The following KCNQ1 variants were observed in gnomAD, a reference collection of about 807,000 sequenced individuals.
KCNQ1 encodes the protein potassium voltage-gated channel subfamily Q member 1.
KCNQ1 carries 49 observed loss-of-function variants against 72.4 expected under a neutral mutation model. The ratio of observed to expected loss-of-function variants is 0.68; its 90% CI spans 0.54 to 0.86. The LOEUF (loss-of-function observed/expected upper bound fraction) is 0.86, where lower values mean the gene tolerates loss of function less well. KCNQ1 is among the 40% of genes least tolerant of loss of function. The probability of loss-of-function intolerance (pLI) is 0.00; values close to 1 mark genes in which losing one functional copy is unlikely to be tolerated. For synonymous variants in KCNQ1, 450 were observed against 412.6 expected (o/e 1.09, Z -1.10); for missense variants, 790 against 945.1 (o/e 0.84, Z 2.15).
In KCNQ1 at chr11:2,808,116, C is replaced by A. The variant is rs1847416063; in HGVS notation, c.1794+30079C>A. Among the ~76,000 whole-genome samples the A allele has an allele frequency of 6.6e-6, 1 of 152,208 alleles. No homozygotes were observed. The highest frequency in any genetic ancestry group is 6.5e-5 in the Admixed American group (1 of 15,288). ...CCTCTCATGGACACCACTGTGGGCA[C>A]CACTTGGGCACCCTGTGGGCTTATT... On this transcript the variant is annotated intron_variant, in intron 15 of 15. Coordinates refer to ENST00000155840, the MANE Select transcript of KCNQ1 (RefSeq NM_000218.3). The surrounding 1 kb of genome is among the most constrained non-coding windows in gnomAD (Gnocchi z 6.0).
In KCNQ1 at chr11:2,620,285, C is replaced by T. The variant is rs1266619392; in HGVS notation, c.1393+31431C>T. On this transcript the variant is annotated intron_variant, in intron 10 of 15. Transcript: ENST00000155840. The surrounding 1 kb of genome is among the most constrained non-coding windows in gnomAD (Gnocchi z 4.5). ...AGGCTGGAGGGCAATGGCATGATCT[C>T]GGCTCACTGCAGCCTCCGCCTACCG... The T allele has an allele frequency of 2.3e-5, 5 of 216,072 alleles. No individual in the cohort carries two copies. Among genetic ancestry groups the T allele is most frequent in the Non-Finnish European group, 2.6e-5 (3 of 113,312 alleles). 13.4% of individuals were successfully genotyped at this position (216,072 alleles called of 1,614,324 possible). A position where few individuals can be genotyped will look rare whatever the true frequency, so the allele number is the denominator to read the frequency against.
At chr11:2,628,701 A>T (rs1308366046) in intron 10 of KCNQ1, 2 of 398,406 alleles carry the variant, frequency 5.0e-6, no homozygotes. Flanking sequence ...CATCTAAAAA[A>T]TTGTCACAAA....
At position 2,593,502 on chromosome 11, in the gene KCNQ1, T is replaced by C. The variant is rs1240956626; in HGVS notation, c.1393+4648T>C. Among the ~76,000 whole-genome samples, 1 of 152,198 alleles carries C rather than the reference T, an allele frequency of 6.6e-6. No individual in the cohort carries two copies. The highest frequency in any genetic ancestry group is 2.4e-5 in the African/African-American group (1 of 41,460). On this transcript the variant is annotated intron_variant, in intron 10 of 15. Coordinates refer to ENST00000155840, the MANE Select transcript of KCNQ1 (RefSeq NM_000218.3). The surrounding 1 kb of genome is among the most constrained non-coding windows in gnomAD (Gnocchi z 6.9). The stretch of plus-strand genomic sequence containing the variant: ...CTGAAGGGCTTCTGGGGAGGCGTCT[T>C]CAAAGCTGTGCCTGTGTGTGTCACC...
chr11:2,630,698 A>T (rs1425185391), intron 10 of KCNQ1: 1 of 398,192 alleles, frequency 2.5e-6, no homozygotes, highest in African/African-American at 2.1e-5. Flanking sequence ...ATATGTTTTC[A>T]TGTTACTAAT....
rs1441153947 is a variant in KCNQ1 at position 2,676,179 on chromosome 11, T to C, written c.1514+14098T>C. ...TTTTCTACACTTTGCCTTTGACTTC[T>C]TCCATAGGTATGCCATACTTCTTTT... On this transcript the variant is annotated intron_variant, in intron 11 of 15. Coordinates refer to ENST00000155840, the MANE Select transcript of KCNQ1 (RefSeq NM_000218.3). This position sits in a 1 kb window ranked among gnomAD's most constrained non-coding sequence, Gnocchi z 4.2. The C allele has an allele frequency of 2.5e-6, 1 of 398,588 alleles. No individual in the cohort carries two copies. The highest frequency in any genetic ancestry group is 4.4e-6 in the Non-Finnish European group (1 of 226,080). 24.7% of individuals were successfully genotyped at this position (398,588 alleles called of 1,614,324 possible).
chr11:2,505,926 A>G (rs75635237), intron 1 of KCNQ1, among the ~76,000 whole-genome samples: 1 of 152,122 alleles, frequency 6.6e-6, no homozygotes, highest in African/African-American at 2.4e-5. Context: ...ATGTTTATCT[A>G]TTCTGCCACT....
At chr11:2,560,091 G>A (rs1589950506) in intron 2 of KCNQ1, among the ~76,000 whole-genome samples, 1 of 135,450 alleles carries the variant, frequency 7.4e-6, no homozygotes, top group Non-Finnish European at 1.6e-5. Context: ...GCCATGGGGG[G>A]CCGTGACATC....
chr11:2,688,497 T>C, intron 11 of KCNQ1: 1 of 398,722 alleles, frequency 2.5e-6, no homozygotes, highest in Non-Finnish European at 4.4e-6. Context: ...GTTGCCCTGC[T>C]CTGGGTGATG....
chr11:2,800,110 AG>A (rs1847228973), intron 15 of KCNQ1, among the ~76,000 whole-genome samples: 1 of 152,180 alleles, frequency 6.6e-6, no homozygotes, highest in Admixed American at 6.5e-5. Flanking sequence ...AGACGTCCAC[AG>A]TTCCCAGGGC....
In KCNQ1 at chr11:2,602,089, G is replaced by T. The variant is rs376073762; in HGVS notation, c.1393+13235G>T. Among the ~76,000 whole-genome samples, 2 of 152,096 alleles carry T rather than the reference G, an allele frequency of 1.3e-5. 1 individual carries two copies. Among genetic ancestry groups the T allele is most frequent in the South Asian group, 4.2e-4 (2 of 4,818 alleles). On this transcript the variant is annotated intron_variant, in intron 10 of 15. Transcript: ENST00000155840. The surrounding 1 kb of genome is among the most constrained non-coding windows in gnomAD (Gnocchi z 4.8). The stretch of plus-strand genomic sequence containing the variant: ...AAGAGAAAAAGGGTTACGTGGCCAC[G>T]GAAGCAGGGGCAGGAAATGGCAATG...
At position 2,849,020 on chromosome 11, in the gene KCNQ1, G is replaced by A. The variant is rs1356573092; in HGVS notation, c.*1017G>A. 2.2e-6 allele frequency: 1 copy of A among 454,026 alleles called. No homozygotes were observed. The highest frequency in any genetic ancestry group is 2.0e-5 in the African/African-American group (1 of 50,020). 28.1% of individuals were successfully genotyped at this position (454,026 alleles called of 1,614,324 possible). On this transcript the variant is annotated 3_prime_UTR_variant, in exon 16 of 16. Transcript: ENST00000155840. ...TGGGCTGGGCACTGCTCTCACCTTG[G>A]TTCCTGGGGCATCCATGGGGTCTCT...
rs1051739597 is a variant in KCNQ1 at position 2,494,836 on chromosome 11, G to A, written c.387-33092G>A. Among the ~76,000 whole-genome samples the A allele has an allele frequency of 2.6e-5, 4 of 152,130 alleles. No individual in the cohort carries two copies. Among genetic ancestry groups the A allele is most frequent in the Non-Finnish European group, 5.9e-5 (4 of 68,026 alleles). On this transcript the variant is annotated intron_variant, in intron 1 of 15. Coordinates refer to ENST00000155840, the MANE Select transcript of KCNQ1 (RefSeq NM_000218.3). The surrounding 1 kb of genome is among the most constrained non-coding windows in gnomAD (Gnocchi z 4.6). ...GTGTCGCTGCCAAATTTTGGTATCA[G>A]GATGATGCTGGCCTCATAAAATGAG...
chr11:2,805,684 C>T (rs923644752), intron 15 of KCNQ1, among the ~76,000 whole-genome samples: 1 of 152,172 alleles, frequency 6.6e-6, no homozygotes, highest in Non-Finnish European at 1.5e-5. Context: ...TAGAGAAAAG[C>T]GTGCTAGCCC....
intron 11 of KCNQ1, chr11:2,665,024 G>C: frequency 2.5e-6 from 1 of 398,694 alleles, no homozygotes; most frequent in Non-Finnish European, 4.4e-6. Flanking sequence ...CAGAGGTGGG[G>C]TGGGGGGTGA....
rs1037606611 is a variant in KCNQ1 at position 2,494,306 on chromosome 11, G to C, written c.387-33622G>C. 6.6e-6 allele frequency among the ~76,000 whole-genome samples: 1 copy of C among 152,106 alleles called. No individual in the cohort carries two copies. Among genetic ancestry groups the C allele is most frequent in the African/African-American group, 2.4e-5 (1 of 41,414 alleles). ...TGTCATCTGCAAACAGAGAAAATTT[G>C]ACTTCCTCTTTTCCTATTTGAATAC... On this transcript the variant is annotated intron_variant, in intron 1 of 15. Transcript: ENST00000155840. The surrounding 1 kb of genome is among the most constrained non-coding windows in gnomAD (Gnocchi z 4.6).
intron 11 of KCNQ1, chr11:2,675,179 A>G: frequency 2.5e-6 from 1 of 398,618 alleles, no homozygotes. Flanking sequence ...GGGAAAGATT[A>G]GGGCCCCTCT....
intron 11 of KCNQ1, chr11:2,692,441 C>T (rs1308188567): frequency 2.5e-6 from 1 of 398,566 alleles, no homozygotes; most frequent in African/African-American, 2.1e-5. Flanking sequence ...GTTTAGAGAC[C>T]TGTGGGTCTT....
rs575359249 is a variant in KCNQ1 at position 2,652,026 on chromosome 11, C to G, written c.1394-9935C>G. The G allele has an allele frequency of 7.5e-6, 3 of 398,654 alleles. No homozygotes were observed. The highest frequency in any genetic ancestry group is 4.1e-5 in the African/African-American group (2 of 48,748). 24.7% of individuals were successfully genotyped at this position (398,654 alleles called of 1,614,324 possible). A position where few individuals can be genotyped will look rare whatever the true frequency, so the allele number is the denominator to read the frequency against. ...CATAATTTTGATGTTGAGCCTCCCC[C>G]CAGTTCTGGGGTGGCTCTGACTGTG... On this transcript the variant is annotated intron_variant, in intron 10 of 15. Transcript: ENST00000155840. The surrounding 1 kb of genome is among the most constrained non-coding windows in gnomAD (Gnocchi z 5.9).
intron 15 of KCNQ1, among the ~76,000 whole-genome samples, chr11:2,804,788 G>C (rs1209101951): frequency 6.6e-6 from 1 of 152,184 alleles, no homozygotes; most frequent in Non-Finnish European, 1.5e-5. Flanking sequence ...GTCTGGAGCT[G>C]CTGGAAATAT....
Sources: allele counts gnomAD v4.1 joint callset (sites outside exome capture counted in the v4.1 genomes callset), GRCh38; gene constraint gnomAD v4.1.1; non-coding constraint Gnocchi (gnomAD v3.1); transcripts MANE v1.5; gene names NCBI Gene and HGNC (gene_info 2026-07-23, HGNC 2026-07-21).